PRDM5: variants seen among roughly 807,000 people sequenced by gnomAD.
PRDM5 encodes PR domain zinc finger protein 5.
A neutral mutation model predicts 81.2 loss-of-function variants in PRDM5; 56 were observed. The observed-to-expected ratio is 0.69, with a 90% CI of 0.56 to 0.86. PRDM5 has a LOEUF of 0.86. Among genes scored for constraint, PRDM5 ranks in the 40% least tolerant of loss-of-function variants. The probability of loss-of-function intolerance (pLI) is 0.00; values close to 1 mark genes in which losing one functional copy is unlikely to be tolerated. For synonymous variants in PRDM5, 267 were observed against 256.4 expected (o/e 1.04, Z -0.39); for missense variants, 697 against 770.1 (o/e 0.91, Z 1.12).
chr4:120,854,548 T>C (rs375693966), intron 2 of PRDM5, among the ~76,000 whole-genome samples: 2 of 152,326 alleles, frequency 1.3e-5, no homozygotes, highest in African/African-American at 4.8e-5. Context: ...TGTATTTTCA[T>C]GCTACATCTG....
intron 3 of PRDM5, among the ~76,000 whole-genome samples, chr4:120,822,663 C>A (rs1016284597): frequency 6.6e-6 from 1 of 152,066 alleles, no homozygotes; most frequent in African/African-American, 2.4e-5. Flanking sequence ...TCAACATTGT[C>A]TTAGTTTGGG....
At chr4:120,840,775 G>A (rs570067877) in intron 3 of PRDM5, among the ~76,000 whole-genome samples, 35 of 152,300 alleles carry the variant, frequency 2.3e-4, no homozygotes, top group South Asian at 1.9e-3. Flanking sequence ...CCCCTAGGGC[G>A]GCAGGCTGCA....
chr4:120,759,449 G>A (rs553715501), intron 13 of PRDM5, among the ~76,000 whole-genome samples: 90 of 152,152 alleles, frequency 5.9e-4, no homozygotes, highest in Non-Finnish European at 1.2e-3. Flanking sequence ...CCACACAATC[G>A]GAACCTGAAG....
intron 2 of PRDM5, among the ~76,000 whole-genome samples, chr4:120,874,718 G>C (rs1343522957): frequency 6.6e-6 from 1 of 152,170 alleles, no homozygotes; most frequent in Non-Finnish European, 1.5e-5. Flanking sequence ...AAAAAATCTA[G>C]CCAAAGAGGG....
At chr4:120,876,434 A>G (rs1018746475) in intron 2 of PRDM5, among the ~76,000 whole-genome samples, 4 of 152,196 alleles carry the variant, frequency 2.6e-5, no homozygotes, top group Non-Finnish European at 5.9e-5. Context: ...TTGTGTGTCA[A>G]TTACAAAGAT....
At chr4:120,732,619 GTAA>G (rs1740437316) in intron 14 of PRDM5, among the ~76,000 whole-genome samples, 1 of 151,640 alleles carries the variant, frequency 6.6e-6, no homozygotes, top group Non-Finnish European at 1.5e-5. Flanking sequence ...TTTTAAACAG[GTAA>G]TAATTTTATA....
intron 8 of PRDM5, among the ~76,000 whole-genome samples, chr4:120,805,116 T>C (rs1198782228): frequency 6.6e-6 from 1 of 152,094 alleles, no homozygotes; most frequent in Non-Finnish European, 1.5e-5. Context: ...ATGGATACAT[T>C]CCTCGACACA....
At chr4:120,832,264 T>C (rs1756811075) in intron 3 of PRDM5, among the ~76,000 whole-genome samples, 1 of 152,044 alleles carries the variant, frequency 6.6e-6, no homozygotes, top group Non-Finnish European at 1.5e-5. Flanking sequence ...AGATAACTAG[T>C]GCCCAGCAAA....
At chr4:120,841,012 C>T (rs535099341) in intron 3 of PRDM5, among the ~76,000 whole-genome samples, 33 of 152,302 alleles carry the variant, frequency 2.2e-4, no homozygotes, top group African/African-American at 7.9e-4. Context: ...GTGAAAAAGT[C>T]TAGAACTTAT....
At chr4:120,782,769 A>C (rs571485759) in intron 11 of PRDM5, among the ~76,000 whole-genome samples, 1 of 152,258 alleles carries the variant, frequency 6.6e-6, no homozygotes, top group African/African-American at 2.4e-5. Context: ...AAAGACTGTA[A>C]ACATTAATGT....
intron 10 of PRDM5, among the ~76,000 whole-genome samples, chr4:120,794,261 T>C (rs948365832): frequency 6.6e-6 from 1 of 152,054 alleles, no homozygotes; most frequent in Non-Finnish European, 1.5e-5. Flanking sequence ...AAAGAGTGGC[T>C]GTGCTCTAAC....
rs915854208 is a variant in PRDM5 at position 120,781,270 on chromosome 4, G to A, written c.1316C>T (p.Ala439Val). Residue 439 changes from alanine (A) to valine (V), a missense_variant, in exon 12 of 16, where the codon GCT becomes GTT. Physicochemically the swap from Ala to Val is moderately conservative, Grantham distance 64. Coordinates refer to ENST00000264808, the MANE Select transcript of PRDM5 (RefSeq NM_018699.4). ...TAATGTATCCTTCCTCTTAAAGGTA[G>A]CATCGCAGTGATGGCACTTGAAAGT... ...ERTFKCHHCDATFKRKDTLNV... is the reference protein window; with the variant it reads ...ERTFKCHHCDVTFKRKDTLNV... 6.2e-7 allele frequency: 1 copy of A among 1,613,160 alleles called. No homozygotes were observed. The highest frequency in any genetic ancestry group is 8.5e-7 in the Non-Finnish European group (1 of 1,179,414).
intron 10 of PRDM5, among the ~76,000 whole-genome samples, chr4:120,797,097 A>C (rs545501911): frequency 5.3e-5 from 8 of 152,326 alleles, no homozygotes; most frequent in African/African-American, 1.7e-4. Context: ...TAAGAAATGC[A>C]AACCAAAATC....
chr4:120,804,492 C>T (rs1462828141), intron 8 of PRDM5, among the ~76,000 whole-genome samples: 2 of 152,198 alleles, frequency 1.3e-5, no homozygotes, highest in Admixed American at 1.3e-4. Context: ...GAAATTATAA[C>T]AAACTATCTA....
intron 2 of PRDM5, among the ~76,000 whole-genome samples, chr4:120,858,703 C>G (rs1760197417): frequency 6.6e-6 from 1 of 152,152 alleles, no homozygotes; most frequent in African/African-American, 2.4e-5. Context: ...ATGGATTCCT[C>G]TGCCCTGGGA....
chr4:120,704,066 G>A (rs190532686), intron 15 of PRDM5, among the ~76,000 whole-genome samples: 3 of 152,156 alleles, frequency 2.0e-5, no homozygotes, highest in Non-Finnish European at 2.9e-5. Flanking sequence ...TGGAAAAAAC[G>A]GAAAGGAAGT....
rs1421819917 is a variant in PRDM5, at chr4:120,692,823, C to T, written c.*2288G>A. ...CTGTAAGACTTTTCCTTATGATTAT[C>T]TATGCTTTCAATTGATCAATCATGC... On this transcript the variant is annotated 3_prime_UTR_variant, in exon 16 of 16. Transcript: ENST00000264808. 2.6e-5 allele frequency: 4 copies of T among 152,030 alleles called. No homozygotes were observed. 9.4% of individuals were successfully genotyped at this position (152,030 alleles called of 1,614,324 possible).
At chr4:120,718,876 A>G (rs1738185462) in intron 14 of PRDM5, among the ~76,000 whole-genome samples, 1 of 152,206 alleles carries the variant, frequency 6.6e-6, no homozygotes, top group East Asian at 1.9e-4. Flanking sequence ...TATATTTTTA[A>G]AAGATGTGGG....
In PRDM5 at chr4:120,904,339, G is replaced by A. The variant is rs573312397; in HGVS notation, c.177+3135C>T. ...AAGAGGAAAAAGAACCAGAAGGGGA[G>A]GGGGAAGGTATATGAACTAAGGGGT... On this transcript the variant is annotated intron_variant, in intron 2 of 15. Coordinates refer to ENST00000264808, the MANE Select transcript of PRDM5 (RefSeq NM_018699.4). Among the ~76,000 whole-genome samples, 10 of 152,146 alleles carry A rather than the reference G, an allele frequency of 6.6e-5. No homozygotes were observed. The East Asian group carries it at 1.9e-3, about 29-fold the overall frequency.
Sources: gnomAD v4.1 joint callset for allele counts (sites outside exome capture counted in the v4.1 genomes callset) on GRCh38, gnomAD v4.1.1 for gene constraint, MANE v1.5 for transcripts, NCBI Gene and HGNC (gene_info 2026-07-23, HGNC 2026-07-21) for gene names.